The following DNAH9 variants were observed in gnomAD, a reference collection of about 807,000 sequenced individuals.
DNAH9 encodes DNAH9 variant protein.
Under a neutral mutation model 471.6 loss-of-function variants are expected in DNAH9, and 345 were observed. That is an observed-to-expected ratio of 0.73 (90% confidence interval 0.67 to 0.80). The LOEUF (loss-of-function observed/expected upper bound fraction) is 0.80. Ranked by LOEUF, DNAH9 falls within the 30% of genes least tolerant of loss-of-function variation. The probability of loss-of-function intolerance (pLI) is 0.00; values close to 1 mark genes in which losing one functional copy is unlikely to be tolerated. For synonymous variants in DNAH9, 2,093 were observed against 2,123.6 expected (o/e 0.99, Z 0.40); for missense variants, 5,407 against 5,609.2 (o/e 0.96, Z 1.15).
In DNAH9 at chr17:11,873,728, T is replaced by G. The variant is rs373511930; in HGVS notation, c.10243-1221T>G. ...GGGGACAGAAAACATATTCATAGTT[T>G]CCACGAGCTGGGGGTAGACAGAAAT... On this transcript the variant is annotated intron_variant, in intron 52 of 68. Transcript: ENST00000262442. 2.2e-4 allele frequency among the ~76,000 whole-genome samples: 32 copies of G among 145,138 alleles called. No individual in the cohort carries two copies. The South Asian group carries it at 2.8e-3, about 13-fold the overall frequency.
In DNAH9 at chr17:11,937,648, G is replaced by A. The variant is rs1045397917; in HGVS notation, c.12660+126G>A. The A allele has an allele frequency of 9.6e-7, 1 of 1,043,374 alleles. No homozygotes were observed. Among genetic ancestry groups the A allele is most frequent in the East Asian group, 2.8e-5 (1 of 35,428 alleles). The allele number at this position is 1,043,374 out of a possible 1,614,324, so 64.6% of individuals were successfully genotyped here. On this transcript the variant is annotated intron_variant, in intron 66 of 68. Coordinates refer to ENST00000262442, the MANE Select transcript of DNAH9 (RefSeq NM_001372.4). The surrounding 1 kb of genome is among the most constrained non-coding windows in gnomAD (Gnocchi z 4.1). ...ACAACACACAAAGCACCAACCACCT[G>A]CAGCCTGGAGATGCTTGCCTGTCAC...
At chr17:11,622,545 G>A (rs544076976) in intron 6 of DNAH9, among the ~76,000 whole-genome samples, 32 of 152,204 alleles carry the variant, frequency 2.1e-4, no homozygotes, top group African/African-American at 7.2e-4. Flanking sequence ...TTCCATCACT[G>A]CCTGGCAGCG....
intron 58 of DNAH9, among the ~76,000 whole-genome samples, chr17:11,893,750 T>G (rs1215310777): frequency 6.6e-6 from 1 of 151,974 alleles, no homozygotes; most frequent in Non-Finnish European, 1.5e-5. Flanking sequence ...TTAGGACAAA[T>G]ACCTAAGGCA....
chr17:11,885,021 A>T (rs9915601), intron 56 of DNAH9, among the ~76,000 whole-genome samples: 3 of 152,130 alleles, frequency 2.0e-5, no homozygotes, highest in Admixed American at 2.0e-4. Flanking sequence ...TTTGTTGTTC[A>T]GTTTCTTTTT....
At chr17:11,783,917 A>G (rs981654282) in intron 40 of DNAH9, among the ~76,000 whole-genome samples, 169 bp downstream of exon 40, 1 of 152,190 alleles carries the variant, frequency 6.6e-6, no homozygotes. Flanking sequence ...TCCTAGACTT[A>G]GAGTCTCAAG....
chr17:11,649,676 C>A (rs928491557), intron 12 of DNAH9, among the ~76,000 whole-genome samples: 1 of 152,126 alleles, frequency 6.6e-6, no homozygotes, highest in African/African-American at 2.4e-5. Context: ...CTGTTCATTT[C>A]TTCAAATAGT....
At chr17:11,919,427 A>G (rs898672093) in intron 61 of DNAH9, among the ~76,000 whole-genome samples, 2 of 147,062 alleles carry the variant, frequency 1.4e-5, no homozygotes, top group South Asian at 4.5e-4. Flanking sequence ...CCCGGGAGGT[A>G]GAGCTTGCAG....
Position 11,704,193 on chromosome 17 carries a change from G to C in DNAH9, c.5152-10G>C. ...ATAACAGCTTTACTAGGCAACTCTT[G>C]CTGCCACAGGTGGCCCTGACCTGTA... On this transcript the variant is annotated splice_polypyrimidine_tract_variant and intron_variant, in intron 24 of 68. Coordinates refer to ENST00000262442, the MANE Select transcript of DNAH9 (RefSeq NM_001372.4). The C allele has an allele frequency of 6.2e-7, 1 of 1,613,980 alleles. No individual in the cohort carries two copies. The highest frequency in any genetic ancestry group is 8.5e-7 in the Non-Finnish European group (1 of 1,179,954).
intron 38 of DNAH9, among the ~76,000 whole-genome samples, chr17:11,779,886 A>G (rs1244821871): frequency 6.6e-6 from 1 of 152,254 alleles, no homozygotes. Context: ...CCAGAAAATT[A>G]GAATATTCGA....
rs533949525 is a variant in DNAH9 at position 11,604,313 on chromosome 17, C to T, written c.418-3816C>T. ...TTGGGATTACAGGTGTGAGCCGCCG[C>T]GCCCGTCCTCTTCCCAACTTCTTAA... On this transcript the variant is annotated intron_variant, in intron 1 of 68. Coordinates refer to ENST00000262442, the MANE Select transcript of DNAH9 (RefSeq NM_001372.4). 7.2e-5 allele frequency among the ~76,000 whole-genome samples: 11 copies of T among 152,224 alleles called. No homozygotes were observed. The South Asian group carries it at 8.3e-4, about 11-fold the overall frequency.
chr17:11,628,769 G>A (rs1181753236), intron 6 of DNAH9, among the ~76,000 whole-genome samples: 1 of 152,172 alleles, frequency 6.6e-6, no homozygotes, highest in Non-Finnish European at 1.5e-5. Flanking sequence ...CAGCGATAAA[G>A]CTACCAATTA....
intron 48 of DNAH9, among the ~76,000 whole-genome samples, chr17:11,826,340 A>G (rs1484302382): frequency 7.4e-6 from 1 of 134,948 alleles, no homozygotes; most frequent in Non-Finnish European, 1.6e-5. Context: ...CTGCTATCCA[A>G]TTCCCCAGGC....
At chr17:11,703,116 AG>A (rs2074633797) in intron 24 of DNAH9, among the ~76,000 whole-genome samples, 1 of 151,840 alleles carries the variant, frequency 6.6e-6, no homozygotes, top group Non-Finnish European at 1.5e-5. Flanking sequence ...AGAAAAGAAA[AG>A]AAAGTATTCA....
intron 19 of DNAH9, among the ~76,000 whole-genome samples, chr17:11,684,367 ACT>A (rs2074197379): frequency 6.6e-6 from 1 of 151,898 alleles, no homozygotes; most frequent in South Asian, 2.1e-4. Flanking sequence ...TTAGTTCTTA[ACT>A]CTAAATTATA....
At chr17:11,620,105 C>T (rs1217658670) in intron 6 of DNAH9, among the ~76,000 whole-genome samples, 1 of 152,094 alleles carries the variant, frequency 6.6e-6, no homozygotes, top group Non-Finnish European at 1.5e-5. Context: ...GTCCCAGCTA[C>T]TCGGGAGGCT....
intron 55 of DNAH9, chr17:11,883,275 C>T (rs1013072400): frequency 1.6e-5 from 17 of 1,061,000 alleles, no homozygotes; most frequent in African/African-American, 9.9e-5. Flanking sequence ...AAATAAGCTC[C>T]GTTTAGTGAA....
intron 55 of DNAH9, chr17:11,883,231 G>A: frequency 9.8e-7 from 1 of 1,017,674 alleles, no homozygotes; most frequent in Non-Finnish European, 1.2e-6. Context: ...ACTCTCCAGA[G>A]AACTAAAACT....
chr17:11,884,798 A>G lies in DNAH9; in HGVS notation c.10971+1048A>G, dbSNP rs112663531. Among the ~76,000 whole-genome samples, 1,223 of 152,234 alleles carry G rather than the reference A, an allele frequency of 8.0e-3. 20 individuals carry two copies. Among genetic ancestry groups the G allele is most frequent in the African/African-American group, 0.028 (1,145 of 41,536 alleles). On this transcript the variant is annotated intron_variant, in intron 56 of 68. Coordinates refer to ENST00000262442, the MANE Select transcript of DNAH9 (RefSeq NM_001372.4). ...TTGGGGGCATGAGAGTTTGTAAAGT[A>G]ATTACGGTAGAGCTGCCACTGCCCT...
At chr17:11,604,188 A>G (rs992518231) in intron 1 of DNAH9, among the ~76,000 whole-genome samples, 13 of 151,564 alleles carry the variant, frequency 8.6e-5, no homozygotes, top group African/African-American at 2.7e-4. Context: ...ATGCCCAACT[A>G]ATTTTTGTGT....
Sources: allele counts gnomAD v4.1 joint callset (sites outside exome capture counted in the v4.1 genomes callset), GRCh38; gene constraint gnomAD v4.1.1; non-coding constraint Gnocchi (gnomAD v3.1); transcripts MANE v1.5; gene names NCBI Gene and HGNC (gene_info 2026-07-23, HGNC 2026-07-21).